Variants in USP39 observed in about 807,000 individuals in gnomAD.
USP39 encodes the protein ubiquitin specific peptidase 39.
A neutral mutation model predicts 66.4 loss-of-function variants in USP39; 38 were observed. The observed-to-expected ratio is 0.57, with a 90% CI of 0.44 to 0.75. The LOEUF is 0.75. Ranked by LOEUF, USP39 falls within the 30% of genes least tolerant of loss-of-function variation. The probability of loss-of-function intolerance (pLI) is 0.00; values close to 1 mark genes in which losing one functional copy is unlikely to be tolerated. For missense variants in USP39, 608 were observed against 714.4 expected (o/e 0.85, Z 1.70); for synonymous variants, 303 against 274.6 (o/e 1.10, Z -1.02).
chr2:85,612,822 G>T (rs1325423832), upstream of USP39, among the ~76,000 whole-genome samples: 2 of 151,890 alleles, frequency 1.3e-5, no homozygotes, highest in East Asian at 3.9e-4. Context: ...CACCACGCCC[G>T]GCTAAGTTTT....
At chr2:85,640,087 T>G (rs1364956259) in intron 9 of USP39, among the ~76,000 whole-genome samples, 1 of 151,900 alleles carries the variant, frequency 6.6e-6, no homozygotes, top group Non-Finnish European at 1.5e-5. Context: ...GCCCAGGCCA[T>G]TCTTTAACTC....
In USP39 at chr2:85,645,007, C is replaced by G; in HGVS notation, c.1487C>G (p.Thr496Ser). 1 of 1,614,186 alleles carries G rather than the reference C, an allele frequency of 6.2e-7. No homozygotes were observed. The highest frequency in any genetic ancestry group is 1.3e-5 in the African/African-American group (1 of 75,052). The change falls in exon 11 of 13, where the codon ACC (threonine) becomes AGC (serine). Residue 496 changes from threonine (T) to serine (S), a missense_variant. Transcript: ENST00000323701. ...GTACAAGCAGTACACAAGAATACCA[C>G]CTATGACCTCATTGCCAACATCGTG... Reference protein sequence around the residue: ...EEVQAVHKNTTYDLIANIVHD... With the variant: ...EEVQAVHKNTSYDLIANIVHD...
rs778580860 is a variant in USP39, at chr2:85,616,301, C to T, written c.106C>T (p.Arg36Trp). Reference protein sequence around the residue: ...GRVKRERDREREPEAASSRGS... With the variant: ...GRVKRERDREWEPEAASSRGS... ...CGTCAAGCGGGAGCGAGATCGGGAG[C>T]GGGAGCCTGAGGCGGCGAGCTCCCG... Residue 36 changes from arginine (R) to tryptophan (W), a missense_variant, in exon 1 of 13, where the codon CGG (arginine) becomes TGG (tryptophan). Around this residue, in one of 6 missense-constraint regions of USP39, gnomAD observed 207 missense variants for 145.7 expected, o/e 1.42. Transcript: ENST00000323701. The T allele has an allele frequency of 4.4e-6, 7 of 1,576,142 alleles. No homozygotes were observed. The highest frequency in any genetic ancestry group is 2.7e-5 in the African/African-American group (2 of 72,910).
At chr2:85,608,701 CAAAAA>C (rs5832651), upstream of USP39, 202 of 55,442 alleles carry the variant, frequency 3.6e-3, no homozygotes, top group East Asian at 0.01. Flanking sequence ...ACAAAATCCT[CAAAAA>C]AAAAAAAAAA....
chr2:85,646,656 A>G (rs941429672), intron 11 of USP39, among the ~76,000 whole-genome samples: 3 of 152,222 alleles, frequency 2.0e-5, no homozygotes, highest in African/African-American at 7.2e-5. Flanking sequence ...GAATATTTAT[A>G]TTCTACAATA....
chr2:85,641,640 G>T (rs1303090126), intron 10 of USP39, among the ~76,000 whole-genome samples: 1 of 152,170 alleles, frequency 6.6e-6, no homozygotes, highest in African/African-American at 2.4e-5. Flanking sequence ...GGTGGCTCAC[G>T]CCTGTAATCC....
At chr2:85,644,203 T>C (rs993240145) in intron 10 of USP39, among the ~76,000 whole-genome samples, 14 of 152,232 alleles carry the variant, frequency 9.2e-5, no homozygotes, top group African/African-American at 3.1e-4. Context: ...AGCTGTTTCT[T>C]GTGAACTCTT....
upstream of USP39, chr2:85,609,444 G>A (rs375450706): frequency 2.5e-6 from 4 of 1,614,134 alleles, no homozygotes; most frequent in East Asian, 2.2e-5. Flanking sequence ...CCTGATAGAC[G>A]ATAACTGATG....
In USP39 at chr2:85,648,761, A is replaced by G; in HGVS notation, c.1651A>G (p.Ile551Val). The change falls in exon 13 of 13, where the codon ATT (isoleucine) becomes GTT (valine). Residue 551 changes from isoleucine (I) to valine (V), a missense_variant and splice_region_variant. By Grantham distance (29) the Ile-to-Val change is conservative. Transcript: ENST00000323701. ...CAGTTTGTGTTTTCATTTCTTACAG[A>G]TTTGGAAGAGGCGAGATAATGATGA... ...MITLSEAYIQ[I>V]WKRRDNDETN... The G allele has an allele frequency of 6.2e-7, 1 of 1,614,030 alleles. No homozygotes were observed. The highest frequency in any genetic ancestry group is 8.5e-7 in the Non-Finnish European group (1 of 1,179,958).
At position 85,649,101 on chromosome 2, in the gene USP39, CT is replaced by C. The variant is rs3832098; in HGVS notation, c.*295del. On this transcript the variant is annotated 3_prime_UTR_variant, in exon 13 of 13. Coordinates refer to ENST00000323701, the MANE Select transcript of USP39 (RefSeq NM_006590.4). ...TTCTCCAGATGTGTGTAACTTATGTCTTGAGTATCTGGGAGTAGTTGAAGAA... is the reference window on the plus strand; with the variant it reads ...TTCTCCAGATGTGTGTAACTTATGTCTGAGTATCTGGGAGTAGTTGAAGAA... 140,973 of 355,600 alleles carry C rather than the reference CT, an allele frequency of 0.4. 33,247 individuals carry two copies. Among genetic ancestry groups the C allele is most frequent in the African/African-American group, 0.8 (37,378 of 46,928 alleles). The allele number at this position is 355,600 out of a possible 1,614,324, so 22.0% of individuals were successfully genotyped here.
intron 4 of USP39, among the ~76,000 whole-genome samples, chr2:85,624,434 C>T (rs144818113): frequency 2.4e-4 from 37 of 152,004 alleles, no homozygotes; most frequent in Non-Finnish European, 1.5e-4. Context: ...CAGCCTCGAC[C>T]TCATGGGTTC....
intron 7 of USP39, among the ~76,000 whole-genome samples, chr2:85,636,816 A>G (rs1675811037): frequency 6.6e-6 from 1 of 152,142 alleles, no homozygotes; most frequent in South Asian, 2.1e-4. Flanking sequence ...TGCTTTTCCC[A>G]CTGGATGGCC....
At chr2:85,633,572 C>T (rs1006190855) in intron 6 of USP39, among the ~76,000 whole-genome samples, 3 of 152,072 alleles carry the variant, frequency 2.0e-5, no homozygotes, top group African/African-American at 7.2e-5. Context: ...GAGTTAGAGA[C>T]CATCCTGCGT....
At chr2:85,636,662 C>T (rs1222306928) in intron 7 of USP39, among the ~76,000 whole-genome samples, 2 of 152,076 alleles carry the variant, frequency 1.3e-5, no homozygotes, top group South Asian at 2.1e-4. Flanking sequence ...CCCACTACCA[C>T]GCCCAGCTGA....
chr2:85,609,623 G>A (rs74324298), upstream of USP39: 27,207 of 1,611,988 alleles, frequency 0.017, 324 homozygotes, highest in Middle Eastern at 0.04. Context: ...GAAGAGGGGG[G>A]GTGCTGCTGA....
rs774311427 is a variant in USP39, at chr2:85,641,121, A to G, written c.1427+3A>G. On this transcript the variant is annotated splice_donor_region_variant and intron_variant, in intron 10 of 12. Transcript: ENST00000323701. ...ACTATTGTCAATTTCCCTATTACGT[A>G]AGTAACATCCTGCCTCACTTCTCTC... is the stretch of plus-strand genomic sequence containing the variant. 1.2e-6 allele frequency: 2 copies of G among 1,612,350 alleles called. No individual in the cohort carries two copies. The highest frequency in any genetic ancestry group is 2.2e-5 in the South Asian group (2 of 90,538).
intron 1 of USP39, among the ~76,000 whole-genome samples, chr2:85,617,110 AT>A (rs112788398): frequency 0.022 from 2,988 of 133,526 alleles, 66 homozygotes; most frequent in African/African-American, 0.064. Context: ...TTAAAAAAGA[AT>A]TTTTTTTTTT....
At chr2:85,626,148 T>C (rs1313352455) in intron 5 of USP39, among the ~76,000 whole-genome samples, 1 of 151,900 alleles carries the variant, frequency 6.6e-6, no homozygotes, top group Non-Finnish European at 1.5e-5. Context: ...TCACCTGAGG[T>C]CAGGAGTTCG....
chr2:85,618,063 C>T (rs776769259), intron 1 of USP39, among the ~76,000 whole-genome samples: 18 of 151,834 alleles, frequency 1.2e-4, no homozygotes, highest in Non-Finnish European at 1.6e-4. Flanking sequence ...AAGCAATTCT[C>T]CTGTCTCAGC....
Sources: gnomAD v4.1 joint callset for allele counts (sites outside exome capture counted in the v4.1 genomes callset) on GRCh38, gnomAD v4.1.1 for gene constraint, gnomAD v4.1.1 regional missense constraint, MANE v1.5 for transcripts, NCBI Gene and HGNC (gene_info 2026-07-23, HGNC 2026-07-21) for gene names.